TMEM218: variants seen among roughly 807,000 people sequenced by gnomAD.
TMEM218 encodes transmembrane protein 218.
TMEM218 carries 8 observed loss-of-function variants against 10.0 expected under a neutral mutation model. The ratio of observed to expected loss-of-function variants is 0.80; its 90% confidence interval spans 0.47 to 1.44. The LOEUF (loss-of-function observed/expected upper bound fraction) is 1.44. Among genes scored for constraint, TMEM218 ranks in the 40% most tolerant of loss-of-function variants. The pLI, the probability that TMEM218 is intolerant of heterozygous loss-of-function variation, is 0.00. For synonymous variants in TMEM218, 66 were observed against 63.5 expected (o/e 1.04, Z -0.18); for missense variants, 110 against 140.1 (o/e 0.79, Z 1.08).
At chr11:125,101,368 T>A (rs147152217) in intron 3 of TMEM218, 65 bp from the exon 4 acceptor site, 2 of 1,543,386 alleles carry the variant, frequency 1.3e-6, no homozygotes, top group African/African-American at 2.8e-5. Flanking sequence ...CAGTTAGGTC[T>A]GGACAGTCTC....
chr11:125,107,961 C>T (rs778410355), intron 1 of TMEM218, among the ~76,000 whole-genome samples: 257 of 150,760 alleles, frequency 1.7e-3, no homozygotes, highest in Non-Finnish European at 2.9e-3. Context: ...AACCTGTGTT[C>T]CCGGATGGGA....
Position 125,096,121 on chromosome 11 carries a change from G to T in TMEM218, c.*1485C>A, listed in dbSNP as rs1009850288. Among the ~76,000 whole-genome samples the T allele has an allele frequency of 6.6e-6, 1 of 152,104 alleles. No individual in the cohort carries two copies. On this transcript the variant is annotated 3_prime_UTR_variant, in exon 5 of 5. Coordinates refer to ENST00000682305, the MANE Select transcript of TMEM218 (RefSeq NM_001258244.2). ...GAAACTATTTCCTTTGAAGTTTTCT[G>T]TACAAAGCCTTATCTGCAAAGTTTT...
Position 125,095,896 on chromosome 11 carries a change from G to A in TMEM218, c.*1710C>T, listed in dbSNP as rs1949584698. Among the ~76,000 whole-genome samples, 1 of 152,098 alleles carries A rather than the reference G, an allele frequency of 6.6e-6. No individual in the cohort carries two copies. The highest frequency in any genetic ancestry group is 1.5e-5 in the Non-Finnish European group (1 of 68,030). On this transcript the variant is annotated 3_prime_UTR_variant, in exon 5 of 5. Transcript: ENST00000682305. ...TTCCCAGAGTTACTTTTTTAGCAAG[G>A]CTCTCAGAAGAAGGTAACAATTGGC...
chr11:125,094,757 G>T lies in TMEM218; in HGVS notation c.*2849C>A, dbSNP rs1221207997. Among the ~76,000 whole-genome samples the T allele has an allele frequency of 6.6e-6, 1 of 152,172 alleles. No individual in the cohort carries two copies. The highest frequency in any genetic ancestry group is 1.5e-5 in the Non-Finnish European group (1 of 68,034). ...TCTGTTAAATAACAGAACAAAAAAT[G>T]GATTGCTTTATGTTAGAATAAAAAC... On this transcript the variant is annotated 3_prime_UTR_variant, in exon 5 of 5. Coordinates refer to ENST00000682305, the MANE Select transcript of TMEM218 (RefSeq NM_001258244.2).
chr11:125,102,749 A>G lies in TMEM218; in HGVS notation c.-92T>C. 7.8e-7 allele frequency: 1 copy of G among 1,277,262 alleles called. No homozygotes were observed. The highest frequency in any genetic ancestry group is 1.0e-6 in the Non-Finnish European group (1 of 980,342). The allele number at this position is 1,277,262 out of a possible 1,614,324, so 79.1% of individuals were successfully genotyped here. ...TGTGACTCACCAGGCAATGGATCAC[A>G]AGACAGAAAGTTCCCACTCTGTTGT... On this transcript the variant is annotated 5_prime_UTR_variant, in exon 2 of 5. Coordinates refer to ENST00000682305, the MANE Select transcript of TMEM218 (RefSeq NM_001258244.2).
chr11:125,102,223 C>A lies in TMEM218; in HGVS notation c.19G>T (p.Gly7Ter), dbSNP rs751901253. The A allele has an allele frequency of 6.2e-7, 1 of 1,613,054 alleles. No homozygotes were observed. The highest frequency in any genetic ancestry group is 1.1e-5 in the South Asian group (1 of 90,976). Residue 7 changes from glycine (G) to a stop codon, truncating the protein, a stop_gained, in exon 3 of 5, where the codon GGA (glycine) becomes TGA (stop). Transcript: ENST00000682305. LOFTEE classifies it high-confidence loss of function. MAGTVL[G>*]VGAGVFILAL... is the part of the protein sequence containing the mutation. ...AAGATGAACACGCCCGCACCGACTC[C>A]GAGCACAGTGCCAGCCATCCCGCGG...
chr11:125,098,119 A>T (rs1204798355), intron 4 of TMEM218, among the ~76,000 whole-genome samples: 2 of 152,216 alleles, frequency 1.3e-5, no homozygotes, highest in South Asian at 2.1e-4. Flanking sequence ...GAGAATTTTA[A>T]ACATACATAA....
chr11:125,097,074 C>T lies in TMEM218; in HGVS notation c.*532G>A, dbSNP rs1949740939. 6.6e-6 allele frequency: 1 copy of T among 152,206 alleles called. No individual in the cohort carries two copies. Among genetic ancestry groups the T allele is most frequent in the Non-Finnish European group, 1.5e-5 (1 of 68,036 alleles). 9.4% of individuals were successfully genotyped at this position (152,206 alleles called of 1,614,324 possible). A position where few individuals can be genotyped will look rare whatever the true frequency, so the allele number is the denominator to read the frequency against. ...GCTTTATTAGAGCAGAGGGAAGTGA[C>T]ACTCATTGCCTTCACAGAGCTCTGC... On this transcript the variant is annotated 3_prime_UTR_variant, in exon 5 of 5. Transcript: ENST00000682305.
In TMEM218 at chr11:125,102,242, C is replaced by A; in HGVS notation, c.-1G>T. 1 of 1,612,624 alleles carries A rather than the reference C, an allele frequency of 6.2e-7. No individual in the cohort carries two copies. The highest frequency in any genetic ancestry group is 8.5e-7 in the Non-Finnish European group (1 of 1,179,432). The stretch of plus-strand genomic sequence containing the variant: ...CGACTCCGAGCACAGTGCCAGCCAT[C>A]CCGCGGGGAGGCAGCGGCGGCCCCC... On this transcript the variant is annotated 5_prime_UTR_variant, in exon 3 of 5. Coordinates refer to ENST00000682305, the MANE Select transcript of TMEM218 (RefSeq NM_001258244.2).
At position 125,096,462 on chromosome 11, in the gene TMEM218, G is replaced by C. The variant is rs945490271; in HGVS notation, c.*1144C>G. On this transcript the variant is annotated 3_prime_UTR_variant, in exon 5 of 5. Coordinates refer to ENST00000682305, the MANE Select transcript of TMEM218 (RefSeq NM_001258244.2). ...CACACTGGCTGTTAGGTGAAGGTTG[G>C]GCAAGTCAGCTGATCTCTTTAAGCT... 1 of 152,014 alleles carries C rather than the reference G, an allele frequency of 6.6e-6. No homozygotes were observed. Among genetic ancestry groups the C allele is most frequent in the African/African-American group, 2.4e-5 (1 of 41,378 alleles). 9.4% of individuals were successfully genotyped at this position (152,014 alleles called of 1,614,324 possible). A position where few individuals can be genotyped will look rare whatever the true frequency, so the allele number is the denominator to read the frequency against.
In TMEM218 at chr11:125,101,281, A is replaced by T. The variant is rs572010506; in HGVS notation, c.133T>A (p.Phe45Ile). The change falls in exon 4 of 5, where the codon TTC becomes ATC. Residue 45 changes from phenylalanine (F) to isoleucine (I), a missense_variant. By Grantham distance (21) the Phe-to-Ile change is conservative. Coordinates refer to ENST00000682305, the MANE Select transcript of TMEM218 (RefSeq NM_001258244.2). ...AARFSVIFLF[F>I]GAVIITSVLL... The stretch of plus-strand genomic sequence containing the variant: ...ACTGATGTGATGATCACAGCACCGA[A>T]GAATAAAAAAATGACAGAGAACCTG... 6.2e-6 allele frequency: 10 copies of T among 1,612,890 alleles called. No homozygotes were observed. The East Asian group carries it at 2.2e-4, about 36-fold the overall frequency.
intron 4 of TMEM218, among the ~76,000 whole-genome samples, chr11:125,098,719 T>C (rs998531606): frequency 1.3e-5 from 2 of 152,208 alleles, no homozygotes; most frequent in Non-Finnish European, 2.9e-5. Context: ...GCCAATCAGC[T>C]GCCCTTAAAA....
In TMEM218 at chr11:125,097,639, C is replaced by T. The variant is rs149702220; in HGVS notation, c.315G>A (p.Glu105=). 2.8e-4 allele frequency: 452 copies of T among 1,614,134 alleles called. 1 individual carries two copies. The African/African-American group carries it at 5.6e-3, about 20-fold the overall frequency. The stretch of plus-strand genomic sequence containing the variant: ...AGTGCAGTGGTTTGGCATAGATCGG[C>T]TCCAGAACATAATGGATTAAAACCA... ...LFLVLIHYVL[E]PIYAKPLHSY The change falls in exon 5 of 5, where the codon GAG becomes GAA. Residue 105 remains glutamate, a synonymous_variant. Transcript: ENST00000682305.
Position 125,097,390 on chromosome 11 carries a change from CCTT to C in TMEM218, c.*213_*215del. On this transcript the variant is annotated 3_prime_UTR_variant, in exon 5 of 5. Transcript: ENST00000682305. ...ACGGGTACTAAGAAGATAGCAATATCCTTCTTAAGCTGGTAAGAATCTAGCCCC... is the reference window on the plus strand; with the variant it reads ...ACGGGTACTAAGAAGATAGCAATATCCTTAAGCTGGTAAGAATCTAGCCCC... The C allele has an allele frequency of 2.2e-6, 1 of 453,168 alleles. No homozygotes were observed. The highest frequency in any genetic ancestry group is 3.9e-6 in the Non-Finnish European group (1 of 259,386). 28.1% of individuals were successfully genotyped at this position (453,168 alleles called of 1,614,324 possible). A position where few individuals can be genotyped will look rare whatever the true frequency, so the allele number is the denominator to read the frequency against.
At chr11:125,102,562 T>G in intron 2 of TMEM218, 172 bp downstream of exon 2, 17 of 1,343,886 alleles carry the variant, frequency 1.3e-5, no homozygotes, top group East Asian at 4.3e-5. Flanking sequence ...TCAAATTTGG[T>G]ACCTGAGTTC....
intron 4 of TMEM218, among the ~76,000 whole-genome samples, chr11:125,100,479 A>G (rs1591377098): frequency 1.3e-5 from 2 of 152,348 alleles, no homozygotes; most frequent in East Asian, 3.9e-4. Context: ...AGCTATTTTC[A>G]TGACTATCAC....
At chr11:125,098,400 C>T (rs963781058) in intron 4 of TMEM218, among the ~76,000 whole-genome samples, 1 of 152,184 alleles carries the variant, frequency 6.6e-6, no homozygotes, top group African/African-American at 2.4e-5. Flanking sequence ...CTGACAAAAC[C>T]CTATAATTGG....
At chr11:125,109,692 T>C (rs1223653541) in intron 1 of TMEM218, among the ~76,000 whole-genome samples, 1 of 152,248 alleles carries the variant, frequency 6.6e-6, no homozygotes. Context: ...CAGTCTTAGC[T>C]GTGTCAAGGG....
intron 2 of TMEM218, 191 bp downstream of exon 2, chr11:125,102,543 T>C (rs1262394874): frequency 2.1e-6 from 3 of 1,402,646 alleles, no homozygotes; most frequent in Non-Finnish European, 2.8e-6. Flanking sequence ...TTTTTCTGAG[T>C]GTTTCCTTTC....
Sources: gnomAD v4.1 joint callset for allele counts (sites outside exome capture counted in the v4.1 genomes callset) on GRCh38, gnomAD v4.1.1 for gene constraint, MANE v1.5 for transcripts, NCBI Gene and HGNC (gene_info 2026-07-23, HGNC 2026-07-21) for gene names.